RIPOR2: variants seen among roughly 807,000 people sequenced by gnomAD.
RIPOR2 encodes the protein rho family-interacting cell polarization regulator 2.
RIPOR2 carries 39 observed loss-of-function variants against 114.5 expected under a neutral mutation model. The observed-to-expected ratio is 0.34, with a 90% confidence interval of 0.26 to 0.44. RIPOR2 has a LOEUF of 0.44. RIPOR2 is among the 20% of genes least tolerant of loss of function. RIPOR2 has a pLI of 1.00. For missense variants in RIPOR2, 1,007 were observed against 1,255.1 expected, an observed-to-expected ratio of 0.80 and a Z score of 2.99; for synonymous variants, 445 against 484.4, an observed-to-expected ratio of 0.92 and a Z score of 1.07.
chr6:24,996,186 A>G (rs1427258291), intron 1 of RIPOR2, among the ~76,000 whole-genome samples: 1 of 152,234 alleles, frequency 6.6e-6, no homozygotes, highest in Non-Finnish European at 1.5e-5. Context: ...GTCCCTAGAC[A>G]AAGTGCAAAC....
intron 12 of RIPOR2, among the ~76,000 whole-genome samples, chr6:24,847,231 G>A (rs896047965): frequency 2.0e-5 from 3 of 152,208 alleles, no homozygotes; most frequent in African/African-American, 7.2e-5. Flanking sequence ...GGGATTACAG[G>A]CGTGAGCCAC....
chr6:24,943,498 A>AATG (rs1304055473), intron 1 of RIPOR2, among the ~76,000 whole-genome samples: 3 of 152,028 alleles, frequency 2.0e-5, no homozygotes, highest in Admixed American at 6.6e-5. Flanking sequence ...TAATAATAAT[A>AATG]ATAATAAAGC....
intron 1 of RIPOR2, among the ~76,000 whole-genome samples, chr6:25,007,391 A>G (rs1775602081): frequency 6.6e-6 from 1 of 152,140 alleles, no homozygotes; most frequent in Admixed American, 6.5e-5. Context: ...CTCATCACTG[A>G]CACTGCCTGC....
intron 2 of RIPOR2, 69 bp downstream of exon 2, chr6:24,875,622 C>A: frequency 6.7e-7 from 1 of 1,502,494 alleles, no homozygotes; most frequent in Admixed American, 2.0e-5. Context: ...GCACACAGAC[C>A]CTCTTCACAA....
chr6:24,839,114 T>G lies in RIPOR2; in HGVS notation c.2016A>C (p.Ser672=), dbSNP rs1000754046. 6.4e-6 allele frequency: 10 copies of G among 1,551,476 alleles called. No individual in the cohort carries two copies. The Admixed American group carries it at 7.8e-5, about 12-fold the overall frequency. Residue 672 remains serine, a synonymous_variant, in exon 14 of 22, where the codon TCA becomes TCC. Coordinates refer to ENST00000643898, the MANE Select transcript of RIPOR2 (RefSeq NM_001286445.3). ...ACCTGTGTTTCTCAGTCTCAGTGTC[T>G]GAAAATACTGAGTCAGCACCTCCGC... ...NVGGGADSVF[S]DTETEKHSYR... is the part of the protein sequence containing the mutation.
At chr6:24,877,216 C>T in intron 1 of RIPOR2, 1 of 985,448 alleles carries the variant, frequency 1.0e-6, no homozygotes, top group Non-Finnish European at 1.2e-6. Flanking sequence ...AGCAGCTCAG[C>T]AAGGAAGGCA....
At position 24,832,304 on chromosome 6, in the gene RIPOR2, C is replaced by T. The variant is rs1311156308; in HGVS notation, c.2296G>A (p.Ala766Thr). 6.4e-6 allele frequency: 10 copies of T among 1,551,674 alleles called. No homozygotes were observed. The highest frequency in any genetic ancestry group is 8.7e-6 in the Non-Finnish European group (10 of 1,146,970). Reference sequence around the variant, plus strand: ...CCTATGTTCTCATCACTGACAGCTGCGAGTTTCTCCATCACTTGGATCTGC... The same window carrying T: ...CCTATGTTCTCATCACTGACAGCTGTGAGTTTCTCCATCACTTGGATCTGC... ...SRQIQVMEKL[A>T]AVSDENIGNI... Residue 766 changes from alanine (A) to threonine (T), a missense_variant, in exon 16 of 22, where the codon GCA becomes ACA. Physicochemically the swap from Ala to Thr is moderately conservative, Grantham distance 58 (BLOSUM62 0). Coordinates refer to ENST00000643898, the MANE Select transcript of RIPOR2 (RefSeq NM_001286445.3).
chr6:24,931,247 T>C (rs1185869403), intron 1 of RIPOR2, among the ~76,000 whole-genome samples: 1 of 152,170 alleles, frequency 6.6e-6, no homozygotes, highest in Non-Finnish European at 1.5e-5. Context: ...ACAGCCTACA[T>C]GGAAAGACAA....
chr6:25,027,253 G>A (rs1185645165), intron 1 of RIPOR2, among the ~76,000 whole-genome samples: 1 of 152,162 alleles, frequency 6.6e-6, no homozygotes, highest in African/African-American at 2.4e-5. Flanking sequence ...GATTCACCTA[G>A]CTTTGCTTAC....
At chr6:24,966,976 A>T (rs570786327) in intron 1 of RIPOR2, among the ~76,000 whole-genome samples, 45 of 152,318 alleles carry the variant, frequency 3.0e-4, no homozygotes, top group African/African-American at 1.1e-3. Flanking sequence ...GCTACTTCAA[A>T]TCAACCACTT....
In RIPOR2 at chr6:25,023,499, C is replaced by G. The variant is rs528402796; in HGVS notation, c.76+18352G>C. ...TTGGCGATGCAGTGGCGGACAAATTCACACTCAGGGCTATGCCAGAAAGCG... is the reference window on the plus strand; with the variant it reads ...TTGGCGATGCAGTGGCGGACAAATTGACACTCAGGGCTATGCCAGAAAGCG... On this transcript the variant is annotated intron_variant, in intron 1 of 13. Transcript: ENST00000510784. 2,035 of 770,102 alleles carry G rather than the reference C, an allele frequency of 2.6e-3. 7 individuals carry two copies. Among genetic ancestry groups the G allele is most frequent in the Middle Eastern group, 8.3e-3 (23 of 2,772 alleles). 47.7% of individuals were successfully genotyped at this position (770,102 alleles called of 1,614,324 possible). A position where few individuals can be genotyped will look rare whatever the true frequency, so the allele number is the denominator to read the frequency against.
intron 1 of RIPOR2, among the ~76,000 whole-genome samples, chr6:24,973,253 A>T (rs934609177): frequency 2.0e-4 from 31 of 152,196 alleles, no homozygotes; most frequent in Non-Finnish European, 3.8e-4. Flanking sequence ...TTCTCAAAGA[A>T]TGTAGAACAA....
intron 8 of RIPOR2, among the ~76,000 whole-genome samples, chr6:24,860,583 T>C (rs1763978929): frequency 6.6e-6 from 1 of 152,240 alleles, no homozygotes; most frequent in Non-Finnish European, 1.5e-5. Flanking sequence ...AAGAGATGCA[T>C]ACTGAAGTGT....
At chr6:24,941,375 G>GAA (rs75044779) in intron 1 of RIPOR2, among the ~76,000 whole-genome samples, 2 of 140,874 alleles carry the variant, frequency 1.4e-5, no homozygotes, top group African/African-American at 5.2e-5. Flanking sequence ...ACTAGAAACA[G>GAA]AAAAAAAAAA....
intron 1 of RIPOR2, among the ~76,000 whole-genome samples, chr6:24,913,838 C>T (rs1769857381): frequency 6.6e-6 from 1 of 152,142 alleles, no homozygotes; most frequent in African/African-American, 2.4e-5. Context: ...TCAGATATCT[C>T]GGCTGGGTCC....
chr6:24,903,252 T>C (rs530955745), intron 1 of RIPOR2, among the ~76,000 whole-genome samples: 2 of 152,322 alleles, frequency 1.3e-5, no homozygotes, highest in South Asian at 4.1e-4. Flanking sequence ...CAAGAGTTAG[T>C]ATTCCAGCCA....
chr6:24,990,205 T>C (rs924061229), intron 1 of RIPOR2, among the ~76,000 whole-genome samples: 1 of 152,234 alleles, frequency 6.6e-6, no homozygotes, highest in East Asian at 1.9e-4. Flanking sequence ...TATTGTAACA[T>C]GTGCTTTTAG....
intron 1 of RIPOR2, among the ~76,000 whole-genome samples, chr6:24,983,193 T>TACACACACACACACAC (rs5875016): frequency 2.9e-4 from 43 of 147,340 alleles, no homozygotes; most frequent in Admixed American, 1.0e-3. Flanking sequence ...GTTGAACACG[T>TACACACACACACACAC]ACACACACAC....
chr6:24,855,413 G>C (rs1018098363), intron 8 of RIPOR2, among the ~76,000 whole-genome samples: 1 of 151,806 alleles, frequency 6.6e-6, no homozygotes, highest in Non-Finnish European at 1.5e-5. Context: ...AAAAAAAGAA[G>C]TTACTACTTT....
Sources: gnomAD v4.1 joint callset for allele counts (sites outside exome capture counted in the v4.1 genomes callset) on GRCh38, gnomAD v4.1.1 for gene constraint, MANE v1.5 for transcripts, NCBI Gene and HGNC (gene_info 2026-07-23, HGNC 2026-07-21) for gene names.